IQCB1: variants seen among roughly 807,000 people sequenced by gnomAD.
IQCB1 encodes IQ calmodulin-binding motif-containing protein 1.
A neutral mutation model predicts 84.4 loss-of-function variants in IQCB1; 56 were observed. The observed-to-expected ratio is 0.66, with a 90% CI of 0.54 to 0.83. The LOEUF is 0.83. Ranked by LOEUF, IQCB1 falls within the 40% of genes least tolerant of loss-of-function variation. IQCB1 has a pLI of 0.00. For missense variants in IQCB1, 629 were observed against 682.1 expected (o/e 0.92, Z 0.87); for synonymous variants, 210 against 234.8 (o/e 0.89, Z 0.96).
chr3:121,826,953 A>C (rs1339528572), intron 4 of IQCB1, among the ~76,000 whole-genome samples: 1 of 152,166 alleles, frequency 6.6e-6, no homozygotes, highest in African/African-American at 2.4e-5. Flanking sequence ...ATGTATGGAC[A>C]CTAATAAGCA....
chr3:121,820,141 T>G (rs139458282), intron 5 of IQCB1, among the ~76,000 whole-genome samples: 10 of 152,234 alleles, frequency 6.6e-5, no homozygotes, highest in African/African-American at 1.2e-4. Flanking sequence ...GTTACAAAGG[T>G]ACATTTCAAT....
intron 5 of IQCB1, among the ~76,000 whole-genome samples, chr3:121,820,890 C>G (rs1950248270): frequency 6.6e-6 from 1 of 151,840 alleles, no homozygotes; most frequent in Non-Finnish European, 1.5e-5. Flanking sequence ...GTCTCTTCTT[C>G]CGCTCTCTCC....
chr3:121,813,569 T>C (rs1438949408), intron 5 of IQCB1, among the ~76,000 whole-genome samples: 1 of 152,046 alleles, frequency 6.6e-6, no homozygotes. Flanking sequence ...AATAAAGGGA[T>C]GCAGGAATAT....
rs1948910825 is a variant in IQCB1 at position 121,790,243 on chromosome 3, A to T, written c.987-28T>A. On this transcript the variant is annotated intron_variant, in intron 10 of 14. Transcript: ENST00000310864. ...GTGATGGAAACAGTGTGTTATACATAATTTTCATAAATCATATGAAAAAAT... is the reference window on the plus strand; with the variant it reads ...GTGATGGAAACAGTGTGTTATACATTATTTTCATAAATCATATGAAAAAAT... 6.2e-6 allele frequency: 10 copies of T among 1,604,824 alleles called. No homozygotes were observed. The East Asian group carries it at 2.2e-4, about 36-fold the overall frequency.
intron 10 of IQCB1, among the ~76,000 whole-genome samples, chr3:121,792,661 C>CAAAA (rs56685889): frequency 1.3e-5 from 1 of 76,214 alleles, no homozygotes. Context: ...GACTCCGTCT[C>CAAAA]AAAAAAAAAA....
intron 14 of IQCB1, 44 bp downstream of exon 14, chr3:121,772,513 A>G (rs778270122): frequency 3.1e-5 from 49 of 1,606,344 alleles, no homozygotes; most frequent in Non-Finnish European, 4.2e-5. Flanking sequence ...CAAACCTCGC[A>G]TAGGTTGTTC....
chr3:121,772,090 G>A (rs774615634), intron 14 of IQCB1, among the ~76,000 whole-genome samples: 1 of 152,042 alleles, frequency 6.6e-6, no homozygotes, highest in Non-Finnish European at 1.5e-5. Context: ...CAGGAGAATC[G>A]CTTGAACGTG....
chr3:121,793,082 G>C (rs898410225), intron 10 of IQCB1, among the ~76,000 whole-genome samples: 1 of 152,122 alleles, frequency 6.6e-6, no homozygotes, highest in African/African-American at 2.4e-5. Flanking sequence ...GCCTCAGAGG[G>C]AGAGAGAGAA....
chr3:121,789,930 G>C, intron 11 of IQCB1, 143 bp downstream of exon 11: 1 of 706,610 alleles, frequency 1.4e-6, no homozygotes, highest in Non-Finnish European at 2.5e-6. Flanking sequence ...GAACTCAGAA[G>C]ATCTAATAAA....
At position 121,807,450 on chromosome 3, in the gene IQCB1, GA is replaced by G; in HGVS notation, c.488-8del. The G allele has an allele frequency of 7.6e-7, 1 of 1,316,902 alleles. No individual in the cohort carries two copies. The allele number at this position is 1,316,902 out of a possible 1,614,324, so 81.6% of individuals were successfully genotyped here. A position where few individuals can be genotyped will look rare whatever the true frequency, so the allele number is the denominator to read the frequency against. On this transcript the variant is annotated splice_polypyrimidine_tract_variant and splice_region_variant and intron_variant, in intron 6 of 14. Coordinates refer to ENST00000310864, the MANE Select transcript of IQCB1 (RefSeq NM_001023570.4). ...AAATGATCACTTTGTAGTACTAAAG[GA>G]AAAGAAAAAAAAAGAAAGATTAAAG...
At chr3:121,809,094 T>C in intron 5 of IQCB1, 85 bp from the exon 6 acceptor site, 1 of 752,722 alleles carries the variant, frequency 1.3e-6, no homozygotes, top group South Asian at 1.7e-5. Context: ...TCTGGGGAGT[T>C]AGAGGATACA....
At position 121,799,349 on chromosome 3, in the gene IQCB1, T is replaced by C; in HGVS notation, c.613A>G (p.Lys205Glu). The change falls in exon 8 of 15, where the codon AAA (lysine) becomes GAA (glutamate). Residue 205 changes from lysine to glutamate, a missense_variant. Lys to Glu is a moderately conservative substitution (Grantham distance 56, BLOSUM62 1). Transcript: ENST00000310864. ...TCATCTAAAATTGAATACAGGGCTT[T>C]TCTTCCTATTCTGAGTAAATCACCA... Reference protein sequence around the residue: ...NSGDLLRIGRKALYSILDEVI... With the variant: ...NSGDLLRIGREALYSILDEVI... 1.9e-6 allele frequency: 3 copies of C among 1,594,354 alleles called. No individual in the cohort carries two copies. The highest frequency in any genetic ancestry group is 2.6e-6 in the Non-Finnish European group (3 of 1,163,948).
At chr3:121,823,893 T>C (rs776637604) in intron 5 of IQCB1, among the ~76,000 whole-genome samples, 2 of 152,168 alleles carry the variant, frequency 1.3e-5, no homozygotes, top group Non-Finnish European at 2.9e-5. Flanking sequence ...TCATAATATA[T>C]GTAAAAGTAA....
chr3:121,793,809 T>A (rs538535863), intron 10 of IQCB1, among the ~76,000 whole-genome samples: 1 of 152,326 alleles, frequency 6.6e-6, no homozygotes, highest in Admixed American at 6.5e-5. Context: ...ATTCCATAGA[T>A]ACACTTCTAA....
chr3:121,782,378 G>T (rs540716502), intron 12 of IQCB1, among the ~76,000 whole-genome samples: 22 of 152,250 alleles, frequency 1.4e-4, no homozygotes, highest in Non-Finnish European at 2.6e-4. Context: ...CTTTCCAATT[G>T]TTTTCACTCT....
intron 14 of IQCB1, among the ~76,000 whole-genome samples, chr3:121,771,813 C>T (rs943006048): frequency 1.3e-5 from 2 of 152,126 alleles, no homozygotes; most frequent in East Asian, 1.9e-4. Context: ...AACACAGGGG[C>T]TTCATGGATG....
At chr3:121,818,446 A>T (rs1434250970) in intron 5 of IQCB1, among the ~76,000 whole-genome samples, 1 of 152,232 alleles carries the variant, frequency 6.6e-6, no homozygotes, top group Non-Finnish European at 1.5e-5. Context: ...TGGAGCTAAG[A>T]AACTGTCTTC....
In IQCB1 at chr3:121,808,942, C is replaced by T. The variant is rs376120512; in HGVS notation, c.461G>A (p.Gly154Glu). ...ATTCTGAATAAGTTCAACATGGCCT[C>T]CCAAAAGCCAGAAGAGAGAATCAGT... ...IVTDSLFWLL[G>E]GHVELIQNVL... Residue 154 changes from glycine to glutamate, a missense_variant, in exon 6 of 15, where the codon GGA becomes GAA. Coordinates refer to ENST00000310864, the MANE Select transcript of IQCB1 (RefSeq NM_001023570.4). The T allele has an allele frequency of 6.2e-7, 1 of 1,609,476 alleles. No individual in the cohort carries two copies. The highest frequency in any genetic ancestry group is 8.5e-7 in the Non-Finnish European group (1 of 1,176,168).
intron 4 of IQCB1, among the ~76,000 whole-genome samples, chr3:121,828,090 A>G (rs960388578): frequency 1.3e-5 from 2 of 152,120 alleles, no homozygotes; most frequent in African/African-American, 4.8e-5. Flanking sequence ...CACTGATTTC[A>G]TTCTGCTTTG....
Sources: gnomAD v4.1 joint callset for allele counts (sites outside exome capture counted in the v4.1 genomes callset) on GRCh38, gnomAD v4.1.1 for gene constraint, MANE v1.5 for transcripts, NCBI Gene and HGNC (gene_info 2026-07-23, HGNC 2026-07-21) for gene names.